The following KRT71 variants were observed in gnomAD, a reference collection of about 807,000 sequenced individuals.
The protein encoded by KRT71 is keratin 71.
Under a neutral mutation model 46.2 loss-of-function variants are expected in KRT71, and 42 were observed. The observed-to-expected ratio is 0.91, with a 90% CI of 0.71 to 1.18. KRT71 has a LOEUF of 1.18. Among genes scored for constraint, KRT71 ranks in the 50% most tolerant of loss-of-function variants. The probability of loss-of-function intolerance (pLI) is 0.00; values close to 1 mark genes in which losing one functional copy is unlikely to be tolerated. For synonymous variants in KRT71, 292 were observed against 277.8 expected, an observed-to-expected ratio of 1.05 and a Z score of -0.51; for missense variants, 708 against 677.9, an observed-to-expected ratio of 1.04 and a Z score of -0.49.
At position 52,548,181 on chromosome 12, in the gene KRT71, C is replaced by T. The variant is rs763067661; in HGVS notation, c.949G>A (p.Ala317Thr). 14 of 1,613,994 alleles carry T rather than the reference C, an allele frequency of 8.7e-6. No individual in the cohort carries two copies. In the Admixed American group the frequency reaches 2.3e-4, roughly 27 times the overall value. ...QYEEIALKSK[A>T]EAEALYQTKF... ...GTCTGGTACAGGGCCTCAGCCTCGG[C>T]CTTACTCTTCAAGGCAATCTCCTCA... The change falls in exon 5 of 9, where the codon GCC becomes ACC. Residue 317 changes from alanine (A) to threonine (T), a missense_variant. Physicochemically the swap from Ala to Thr is moderately conservative, Grantham distance 58. Coordinates refer to ENST00000267119, the MANE Select transcript of KRT71 (RefSeq NM_033448.3).
Position 52,548,155 on chromosome 12 carries a change from G to A in KRT71, c.975C>T (p.Thr325=). The change falls in exon 5 of 9, where the codon ACC becomes ACT. Residue 325 remains threonine (T), a synonymous_variant. Coordinates refer to ENST00000267119, the MANE Select transcript of KRT71 (RefSeq NM_033448.3). ...SKAEAEALYQ[T]KFQELQLAAG... ...GCCCCACCTCAGCCCAGCTCACCTT[G>A]GTCTGGTACAGGGCCTCAGCCTCGG... 6.2e-7 allele frequency: 1 copy of A among 1,613,012 alleles called. No homozygotes were observed. Among genetic ancestry groups the A allele is most frequent in the Non-Finnish European group, 8.5e-7 (1 of 1,179,354 alleles).
In KRT71 at chr12:52,552,849, T is replaced by C; in HGVS notation, c.229A>G (p.Ser77Gly). The change falls in exon 1 of 9, where the codon AGT becomes GGT. Residue 77 changes from serine (S) to glycine (G), a missense_variant. Physicochemically the swap from Ser to Gly is moderately conservative, Grantham distance 56. Coordinates refer to ENST00000267119, the MANE Select transcript of KRT71 (RefSeq NM_033448.3). ...CCAAACATGCTTCCAGCAAAGCCAC[T>C]GGCCCGGCCCCGGCCAAATCCATAG... ...GGYGFGRGRA[S>G]GFAGSMFGSV... The C allele has an allele frequency of 6.2e-7, 1 of 1,614,222 alleles. No individual in the cohort carries two copies. Among genetic ancestry groups the C allele is most frequent in the Non-Finnish European group, 8.5e-7 (1 of 1,180,036 alleles).
chr12:52,549,136 C>A (rs536226572), intron 3 of KRT71, among the ~76,000 whole-genome samples, 157 bp downstream of exon 3: 11 of 152,190 alleles, frequency 7.2e-5, no homozygotes, highest in Non-Finnish European at 1.6e-4. Context: ...CCTTTTCATT[C>A]TTTTTTCTGG....
chr12:52,547,631 C>G (rs941356961), intron 6 of KRT71, among the ~76,000 whole-genome samples: 2 of 152,162 alleles, frequency 1.3e-5, no homozygotes, highest in South Asian at 4.1e-4. Flanking sequence ...AGCCCAGTGC[C>G]GAGGAGGCTT....
chr12:52,549,570 G>A (rs1017674368), intron 2 of KRT71, among the ~76,000 whole-genome samples: 2 of 152,182 alleles, frequency 1.3e-5, no homozygotes, highest in African/African-American at 4.8e-5. Context: ...CTTGGCAAAC[G>A]AGGAAGGAGC....
chr12:52,548,940 C>A (rs1290482155), intron 3 of KRT71, 144 bp from the exon 4 acceptor site: 1 of 696,292 alleles, frequency 1.4e-6, no homozygotes, highest in African/African-American at 1.8e-5. Flanking sequence ...GAGCAAAGGC[C>A]CAGCCCTACC....
chr12:52,545,602 A>C lies in KRT71; in HGVS notation c.1326-3T>G. On this transcript the variant is annotated splice_polypyrimidine_tract_variant and splice_region_variant and intron_variant, in intron 7 of 8. Transcript: ENST00000267119. ...GGGAGGGAAATTCTCCTGACATCCT[A>C]TTAAGGAGAGAAATAAAATAAGAGG... 4.0e-6 allele frequency: 6 copies of C among 1,507,516 alleles called. No homozygotes were observed. Among genetic ancestry groups the C allele is most frequent in the Non-Finnish European group, 5.5e-6 (6 of 1,088,816 alleles). 93.4% of individuals were successfully genotyped at this position (1,507,516 alleles called of 1,614,324 possible).
chr12:52,552,556 C>G, intron 1 of KRT71, 81 bp downstream of exon 1: 1 of 1,426,302 alleles, frequency 7.0e-7, no homozygotes, highest in Non-Finnish European at 9.6e-7. Flanking sequence ...ACCTCAATCT[C>G]TCCTGCTGTA....
rs1305516680 is a variant in KRT71, at chr12:52,546,491, T to C, written c.1120A>G (p.Thr374Ala). The change falls in exon 7 of 9, where the codon ACA becomes GCA. Residue 374 changes from threonine to alanine, a missense_variant. By Grantham distance (58) the Thr-to-Ala change is moderately conservative. Coordinates refer to ENST00000267119, the MANE Select transcript of KRT71 (RefSeq NM_033448.3). ...NVKKQASNLE[T>A]AIADAEQRGD... ...CGCTGCTCAGCATCAGCGATGGCTG[T>C]CTCCAGGTTGGAAGCCTAAGGAAGG... 1 of 1,613,998 alleles carries C rather than the reference T, an allele frequency of 6.2e-7. No homozygotes were observed. Among genetic ancestry groups the C allele is most frequent in the Non-Finnish European group, 8.5e-7 (1 of 1,179,942 alleles).
chr12:52,546,779 A>G (rs1939065370), intron 6 of KRT71, among the ~76,000 whole-genome samples: 1 of 152,380 alleles, frequency 6.6e-6, no homozygotes, highest in African/African-American at 2.4e-5. Flanking sequence ...TTATTCAGCC[A>G]TATTGTGCCA....
intron 7 of KRT71, among the ~76,000 whole-genome samples, chr12:52,545,889 C>A (rs1158667418): frequency 1.3e-5 from 2 of 152,162 alleles, no homozygotes; most frequent in Non-Finnish European, 2.9e-5. Context: ...CCTGCCATCC[C>A]TGTAGAGCCC....
Position 52,548,264 on chromosome 12 carries a change from A to G in KRT71, c.866T>C (p.Met289Thr), listed in dbSNP as rs375057135. 7 of 1,614,058 alleles carry G rather than the reference A, an allele frequency of 4.3e-6. No homozygotes were observed. The highest frequency in any genetic ancestry group is 5.9e-6 in the Non-Finnish European group (7 of 1,180,000). Residue 289 changes from methionine to threonine, a missense_variant, in exon 5 of 9, where the codon ATG becomes ACG. Coordinates refer to ENST00000267119, the MANE Select transcript of KRT71 (RefSeq NM_033448.3). ...CAGGTCTAGGTTCCGGTTGTTGTCC[A>G]TGGACAGGATGACAGACATGTCACT... ...HISDMSVILS[M>T]DNNRNLDLDS...
At chr12:52,551,051 C>G (rs1939160284) in intron 1 of KRT71, among the ~76,000 whole-genome samples, 1 of 152,238 alleles carries the variant, frequency 6.6e-6, no homozygotes, top group Non-Finnish European at 1.5e-5. Context: ...AAATTTGTCT[C>G]TAGCCCGTCT....
intron 2 of KRT71, among the ~76,000 whole-genome samples, 158 bp downstream of exon 2, chr12:52,549,871 G>C (rs963215419): frequency 6.6e-6 from 1 of 152,184 alleles, no homozygotes; most frequent in African/African-American, 2.4e-5. Context: ...GAGGAGCAGA[G>C]AGCAAGTTCC....
intron 4 of KRT71, 137 bp downstream of exon 4, chr12:52,548,564 C>A: frequency 1.2e-6 from 1 of 842,176 alleles, no homozygotes; most frequent in East Asian, 2.5e-5. Context: ...AGGAGCCTCG[C>A]AAGTCTGATG....
At chr12:52,550,000 C>G in intron 2 of KRT71, 29 bp downstream of exon 2, 3 of 1,612,818 alleles carry the variant, frequency 1.9e-6, no homozygotes, top group Non-Finnish European at 2.5e-6. Context: ...GGGCAGTTGT[C>G]CAGTTACAGG....
chr12:52,551,555 G>C (rs1169158420), intron 1 of KRT71, among the ~76,000 whole-genome samples: 1 of 152,220 alleles, frequency 6.6e-6, no homozygotes, highest in Non-Finnish European at 1.5e-5. Flanking sequence ...CTCCAGGCAG[G>C]AAGTCTGAGC....
intron 3 of KRT71, among the ~76,000 whole-genome samples, 159 bp from the exon 4 acceptor site, chr12:52,548,955 C>T (rs750004776): frequency 2.5e-4 from 38 of 152,146 alleles, no homozygotes; most frequent in Non-Finnish European, 4.4e-4. Context: ...CCTACCCCAC[C>T]CCACCCTGGG....
chr12:52,549,436 G>T, intron 2 of KRT71, 83 bp from the exon 3 acceptor site: 1 of 1,148,642 alleles, frequency 8.7e-7, no homozygotes. Flanking sequence ...AAGGAGCAGC[G>T]TGTCCATCAG....
Sources: gnomAD v4.1 joint callset for allele counts (sites outside exome capture counted in the v4.1 genomes callset) on GRCh38, gnomAD v4.1.1 for gene constraint, MANE v1.5 for transcripts, NCBI Gene and HGNC (gene_info 2026-07-23, HGNC 2026-07-21) for gene names.